The following ANKEF1 variants were observed in gnomAD, a reference collection of about 807,000 sequenced individuals.
ANKEF1 encodes the protein ankyrin repeat and EF-hand domain containing 1, also known as ankyrin repeat and EF-hand domain-containing protein 1.
In ANKEF1, 43 loss-of-function variants were observed where a neutral mutation model predicts 65.1. The observed-to-expected ratio is 0.66, with a 90% confidence interval of 0.52 to 0.85. The LOEUF (loss-of-function observed/expected upper bound fraction) is 0.85, where lower values mean the gene tolerates loss of function less well. ANKEF1 is among the 40% of genes least tolerant of loss of function. The probability of loss-of-function intolerance (pLI) is 0.00; values close to 1 mark genes in which losing one functional copy is unlikely to be tolerated. For synonymous variants in ANKEF1, 316 were observed against 341.5 expected (o/e 0.93, Z 0.82); for missense variants, 934 against 952.9 (o/e 0.98, Z 0.26).
In ANKEF1 at chr20:10,056,496, T is replaced by TAGATGATAGGTA. The variant is rs1555773774; in HGVS notation, c.*836_*837insAGATGATAGGTA. ...GATAGATGATAGATAGATAGATAGA[T>TAGATGATAGGTA]GATAGATAGATAGATAGATAGATAG... On this transcript the variant is annotated 3_prime_UTR_variant, in exon 11 of 11. Coordinates refer to ENST00000378392, the MANE Select transcript of ANKEF1 (RefSeq NM_022096.6). The TAGATGATAGGTA allele has an allele frequency of 1.0e-4, 15 of 143,714 alleles. No homozygotes were observed. The highest frequency in any genetic ancestry group is 3.9e-4 in the African/African-American group (15 of 38,022). 8.9% of individuals were successfully genotyped at this position (143,714 alleles called of 1,614,324 possible).
rs921251676 is a variant in ANKEF1 at position 10,057,442 on chromosome 20, C to T, written c.*1782C>T. Reference sequence around the variant, plus strand: ...TAATTTCATATTTATGGAAAAGTTGCAATAATTTGACAAAGAATTCTTATA... The same window carrying T: ...TAATTTCATATTTATGGAAAAGTTGTAATAATTTGACAAAGAATTCTTATA... On this transcript the variant is annotated 3_prime_UTR_variant, in exon 11 of 11. Coordinates refer to ENST00000378392, the MANE Select transcript of ANKEF1 (RefSeq NM_022096.6). 1 of 152,114 alleles carries T rather than the reference C, an allele frequency of 6.6e-6. No individual in the cohort carries two copies. Among genetic ancestry groups the T allele is most frequent in the Non-Finnish European group, 1.5e-5 (1 of 68,016 alleles). The allele number at this position is 152,114 out of a possible 1,614,324, so 9.4% of individuals were successfully genotyped here.
Position 10,044,494 on chromosome 20 carries a change from A to G in ANKEF1, c.647A>G (p.Asn216Ser), listed in dbSNP as rs765258360. Residue 216 changes from asparagine to serine, a missense_variant, in exon 5 of 11, where the codon AAC becomes AGC. Transcript: ENST00000378392. ...GGAGGTGAAGTGAATGCATTTGACA[A>G]CGACAGGCATCACGCTGCTCATTTT... ...ERGGEVNAFD[N>S]DRHHAAHFAA... 6 of 1,614,172 alleles carry G rather than the reference A, an allele frequency of 3.7e-6. No individual in the cohort carries two copies. In the South Asian group the frequency reaches 5.5e-5, roughly 15 times the overall value.
At chr20:10,053,031 T>G in intron 8 of ANKEF1, 81 bp from the exon 9 acceptor site, 1 of 1,413,304 alleles carries the variant, frequency 7.1e-7, no homozygotes, top group East Asian at 2.3e-5. Context: ...GGCTTAGAGC[T>G]GATGTGCTGA....
rs777415727 is a variant in ANKEF1, at chr20:10,049,910, G to C, written c.1341G>C (p.Gln447His). The change falls in exon 7 of 11, where the codon CAG becomes CAC. Residue 447 changes from glutamine to histidine, a missense_variant. Coordinates refer to ENST00000378392, the MANE Select transcript of ANKEF1 (RefSeq NM_022096.6). ...VIPEYAFPRR[Q>H]DGGPPYYMIE... ...CTGAGTACGCGTTTCCACGCCGGCA[G>C]GATGGTGGGCCACCGTATTACATGA... 17 of 1,614,222 alleles carry C rather than the reference G, an allele frequency of 1.1e-5. No homozygotes were observed. The highest frequency in any genetic ancestry group is 1.1e-5 in the Non-Finnish European group (13 of 1,180,030).
intron 3 of ANKEF1, among the ~76,000 whole-genome samples, chr20:10,041,622 T>C (rs1287188702): frequency 6.6e-6 from 1 of 152,162 alleles, no homozygotes; most frequent in African/African-American, 2.4e-5. Flanking sequence ...GAAGATCAAA[T>C]ACTTATACTA....
At chr20:10,037,667 G>A (rs1340779098) in intron 2 of ANKEF1, among the ~76,000 whole-genome samples, 1 of 152,178 alleles carries the variant, frequency 6.6e-6, no homozygotes, top group Non-Finnish European at 1.5e-5. Flanking sequence ...TTCCGTACAA[G>A]GAGGTAAAAT....
chr20:10,057,194 C>T lies in ANKEF1; in HGVS notation c.*1534C>T, dbSNP rs1985222168. On this transcript the variant is annotated 3_prime_UTR_variant, in exon 11 of 11. Transcript: ENST00000378392. ...TCCTCTAACCTCCTCCCTCTCTTTC[C>T]AACCTTGGAGGGACCTTCCACAGGA... The T allele has an allele frequency of 6.6e-6, 1 of 152,184 alleles. No individual in the cohort carries two copies. The highest frequency in any genetic ancestry group is 1.5e-5 in the Non-Finnish European group (1 of 68,068). 9.4% of individuals were successfully genotyped at this position (152,184 alleles called of 1,614,324 possible).
In ANKEF1 at chr20:10,056,365, A is replaced by G. The variant is rs1239814407; in HGVS notation, c.*705A>G. The G allele has an allele frequency of 1.3e-5, 2 of 151,772 alleles. No homozygotes were observed. The highest frequency in any genetic ancestry group is 2.9e-5 in the Non-Finnish European group (2 of 67,932). The allele number at this position is 151,772 out of a possible 1,614,324, so 9.4% of individuals were successfully genotyped here. A position where few individuals can be genotyped will look rare whatever the true frequency, so the allele number is the denominator to read the frequency against. ...TGCAAAAGTAATTGTGGTTTTTGCCATAACCTTTAATTGCAGCAAAAACCG... is the reference window on the plus strand; with the variant it reads ...TGCAAAAGTAATTGTGGTTTTTGCCGTAACCTTTAATTGCAGCAAAAACCG... On this transcript the variant is annotated 3_prime_UTR_variant, in exon 11 of 11. Coordinates refer to ENST00000378392, the MANE Select transcript of ANKEF1 (RefSeq NM_022096.6).
intron 2 of ANKEF1, among the ~76,000 whole-genome samples, chr20:10,036,247 G>A (rs1039734046): frequency 6.6e-6 from 1 of 152,206 alleles, no homozygotes; most frequent in Admixed American, 6.5e-5. Flanking sequence ...TTAGAGATGG[G>A]TGCTAACAGA....
chr20:10,042,037 C>A (rs960417619), intron 3 of ANKEF1, among the ~76,000 whole-genome samples: 1 of 152,100 alleles, frequency 6.6e-6, no homozygotes, highest in African/African-American at 2.4e-5. Flanking sequence ...CTGGACTTTT[C>A]CCCTTCATGG....
chr20:10,051,807 T>C lies in ANKEF1; in HGVS notation c.1788T>C (p.Asn596=), dbSNP rs764749663. 3 of 1,613,580 alleles carry C rather than the reference T, an allele frequency of 1.9e-6. No individual in the cohort carries two copies. The highest frequency in any genetic ancestry group is 1.1e-5 in the South Asian group (1 of 91,066). Residue 596 remains asparagine, a synonymous_variant, in exon 8 of 11, where the codon AAT becomes AAC. Transcript: ENST00000378392. ...CAATCAACAACTCAACTCCTTTAAATAGAGCCATTGAAAGCTGCAGACTGG... is the reference window on the plus strand; with the variant it reads ...CAATCAACAACTCAACTCCTTTAAACAGAGCCATTGAAAGCTGCAGACTGG... The part of the protein sequence containing the change: ...AASINNSTPL[N]RAIESCRLDT...
At chr20:10,043,619 T>C (rs1176364138) in intron 4 of ANKEF1, among the ~76,000 whole-genome samples, 3 of 151,350 alleles carry the variant, frequency 2.0e-5, no homozygotes, top group Non-Finnish European at 4.4e-5. Context: ...AAAGAAAATA[T>C]ATAGTTCTGC....
intron 8 of ANKEF1, among the ~76,000 whole-genome samples, chr20:10,052,169 T>A (rs1332104107): frequency 6.6e-6 from 1 of 152,022 alleles, no homozygotes; most frequent in Non-Finnish European, 1.5e-5. Context: ...ATGAAAAAAA[T>A]ACAAGGCCAA....
intron 3 of ANKEF1, among the ~76,000 whole-genome samples, chr20:10,039,125 G>T (rs1436189609): frequency 6.6e-6 from 1 of 152,130 alleles, no homozygotes; most frequent in Non-Finnish European, 1.5e-5. Flanking sequence ...GTCAATTCTG[G>T]CATAAACTCC....
At chr20:10,045,464 T>A in intron 5 of ANKEF1, 110 bp from the exon 6 acceptor site, 1 of 1,070,674 alleles carries the variant, frequency 9.3e-7, no homozygotes, top group Non-Finnish European at 1.4e-6. Flanking sequence ...TTTTCAATAG[T>A]CATACGTGGC....
At chr20:10,048,428 TC>T (rs1320912650) in intron 6 of ANKEF1, among the ~76,000 whole-genome samples, 1 of 152,162 alleles carries the variant, frequency 6.6e-6, no homozygotes, top group African/African-American at 2.4e-5. Flanking sequence ...CCAATTACGC[TC>T]TTTTAGCTAT....
chr20:10,035,005 TGCGTG>T lies in ANKEF1; in HGVS notation c.-433_-429del. 1 of 153,032 alleles carries T rather than the reference TGCGTG, an allele frequency of 6.5e-6. No homozygotes were observed. 9.5% of individuals were successfully genotyped at this position (153,032 alleles called of 1,614,324 possible). A position where few individuals can be genotyped will look rare whatever the true frequency, so the allele number is the denominator to read the frequency against. On this transcript the variant is annotated 5_prime_UTR_variant, in exon 1 of 11. Coordinates refer to ENST00000378392, the MANE Select transcript of ANKEF1 (RefSeq NM_022096.6). ...TGCGGTTGCCCCGGCAGCCGCGCCC[TGCGTG>T]GCGGAAGCTCACAATCAGCCCGGTC...
rs1336173418 is a variant in ANKEF1 at position 10,038,524 on chromosome 20, G to C, written c.223G>C (p.Asp75His). ...SFLLDLGAHP[D>H]VQDRMGCTPT... ...TCTCCTTGACCTTGGTGCTCACCCT[G>C]ATGTGCAAGACCGAATGGGCTGTAC... Residue 75 changes from aspartate (D) to histidine (H), a missense_variant, in exon 3 of 11, where the codon GAT (aspartate) becomes CAT (histidine). Transcript: ENST00000378392. The C allele has an allele frequency of 1.2e-6, 2 of 1,614,202 alleles. No homozygotes were observed. The highest frequency in any genetic ancestry group is 1.7e-5 in the Admixed American group (1 of 60,026).
At chr20:10,041,299 A>AT (rs955624566) in intron 3 of ANKEF1, among the ~76,000 whole-genome samples, 99 of 137,776 alleles carry the variant, frequency 7.2e-4, no homozygotes, top group Non-Finnish European at 9.6e-4. Flanking sequence ...TAGTTTTTTT[A>AT]TTTTTTTTTA....
Sources: gnomAD v4.1 joint callset for allele counts (sites outside exome capture counted in the v4.1 genomes callset) on GRCh38, gnomAD v4.1.1 for gene constraint, MANE v1.5 for transcripts, NCBI Gene and HGNC (gene_info 2026-07-23, HGNC 2026-07-21) for gene names.